Variants in DSCAML1 observed in about 807,000 individuals in gnomAD.
DSCAML1 encodes the protein cell adhesion molecule DSCAML1.
A neutral mutation model predicts 200.5 loss-of-function variants in DSCAML1; 38 were observed. The ratio of observed to expected loss-of-function variants is 0.19; its 90% CI spans 0.15 to 0.25. DSCAML1 has a LOEUF of 0.25. DSCAML1 is among the 10% of genes least tolerant of loss of function. DSCAML1 has a pLI of 1.00. For synonymous variants in DSCAML1, 1,215 were observed against 1,165.0 expected, an observed-to-expected ratio of 1.04 and a Z score of -0.87; for missense variants, 2,223 against 2,858.8, an observed-to-expected ratio of 0.78 and a Z score of 5.07.
chr11:117,544,981 C>T (rs576662472), intron 3 of DSCAML1, among the ~76,000 whole-genome samples: 1 of 152,160 alleles, frequency 6.6e-6, no homozygotes, highest in South Asian at 2.1e-4. Context: ...CCTGTAATCC[C>T]AGCACTTTGG....
At position 117,520,861 on chromosome 11, in the gene DSCAML1, T is replaced by C. The variant is rs530364866; in HGVS notation, c.1213+269A>G. Among the ~76,000 whole-genome samples, 3 of 152,020 alleles carry C rather than the reference T, an allele frequency of 2.0e-5. No homozygotes were observed. The South Asian group carries it at 6.3e-4, about 32-fold the overall frequency. On this transcript the variant is annotated intron_variant, in intron 6 of 32. Transcript: ENST00000651296. Reference sequence around the variant, plus strand: ...GGGAGGATTGCTTGAGCCAGGGAGGTTGAGGCTGCAGTGAGCTGTGATCGC... The same window carrying C: ...GGGAGGATTGCTTGAGCCAGGGAGGCTGAGGCTGCAGTGAGCTGTGATCGC...
At chr11:117,582,361 C>A (rs1170295607) in intron 3 of DSCAML1, among the ~76,000 whole-genome samples, 1 of 152,124 alleles carries the variant, frequency 6.6e-6, no homozygotes, top group Admixed American at 6.5e-5. Context: ...AACTAGCACA[C>A]CAAAAAGGCA....
At chr11:117,731,390 C>A (rs557271175) in intron 3 of DSCAML1, among the ~76,000 whole-genome samples, 1 of 152,168 alleles carries the variant, frequency 6.6e-6, no homozygotes, top group East Asian at 1.9e-4. Context: ...AAGACTCCTG[C>A]CCACCTCTCT....
At chr11:117,617,083 T>A (rs1388209192) in intron 3 of DSCAML1, among the ~76,000 whole-genome samples, 1 of 152,234 alleles carries the variant, frequency 6.6e-6, no homozygotes, top group Non-Finnish European at 1.5e-5. Context: ...ATTCATTGAA[T>A]TCTCACAACA....
chr11:117,747,254 A>T (rs537111664), intron 3 of DSCAML1, among the ~76,000 whole-genome samples: 1 of 152,204 alleles, frequency 6.6e-6, no homozygotes, highest in South Asian at 2.1e-4. Context: ...CAAATCAAGC[A>T]CCGCAGATTT....
rs553183779 is a variant in DSCAML1, at chr11:117,785,145, T to C, written c.47-4335A>G. ...ACGCGCTGCACCACAGTATCCCAGGTATGGTGGGAGGCATCAAAGACAAGG... is the reference window on the plus strand; with the variant it reads ...ACGCGCTGCACCACAGTATCCCAGGCATGGTGGGAGGCATCAAAGACAAGG... On this transcript the variant is annotated intron_variant, in intron 1 of 32. Coordinates refer to ENST00000651296, the MANE Select transcript of DSCAML1 (RefSeq NM_020693.4). 8.5e-5 allele frequency among the ~76,000 whole-genome samples: 13 copies of C among 152,094 alleles called. No individual in the cohort carries two copies. The South Asian group carries it at 2.7e-3, about 32-fold the overall frequency.
chr11:117,713,630 G>A (rs1315131345), intron 3 of DSCAML1, among the ~76,000 whole-genome samples: 3 of 152,218 alleles, frequency 2.0e-5, no homozygotes, highest in East Asian at 3.8e-4. Flanking sequence ...GAGCTTGACT[G>A]AGCTTAATAG....
chr11:117,780,217 G>GAAAA lies in DSCAML1; in HGVS notation c.364+275_364+276insTTTT, dbSNP rs142392829. Among the ~76,000 whole-genome samples the GAAAA allele has an allele frequency of 7.8e-5, 6 of 76,998 alleles. No homozygotes were observed. Among genetic ancestry groups the GAAAA allele is most frequent in the Non-Finnish European group, 1.1e-4 (4 of 36,970 alleles). The allele number at this position is 76,998 out of a possible 152,430, so 50.5% of individuals were successfully genotyped here. ...AAAGAAAGAGAAAGAAAGAGAGAGAGAGAAAGAAAGAAAGGAAAGAAAGAA... is the reference window on the plus strand; with the variant it reads ...AAAGAAAGAGAAAGAAAGAGAGAGAGAAAAAGAAAGAAAGAAAGGAAAGAAAGAA... On this transcript the variant is annotated intron_variant, in intron 2 of 32. Transcript: ENST00000651296. The surrounding 1 kb of genome is among the most constrained non-coding windows in gnomAD (Gnocchi z 4.8).
At chr11:117,512,643 T>TACACACACACAC (rs71037481) in intron 8 of DSCAML1, among the ~76,000 whole-genome samples, 4 of 125,240 alleles carry the variant, frequency 3.2e-5, no homozygotes, top group Middle Eastern at 4.3e-3. Flanking sequence ...CAAGCGTGTG[T>TACACACACACAC]ACACACACAC....
chr11:117,515,141 C>T (rs2049732954), intron 8 of DSCAML1, among the ~76,000 whole-genome samples: 1 of 152,242 alleles, frequency 6.6e-6, no homozygotes, highest in Non-Finnish European at 1.5e-5. Context: ...AGGCTGAGGT[C>T]TTCATGCTTC....
At chr11:117,749,216 G>A (rs2054564244) in intron 3 of DSCAML1, among the ~76,000 whole-genome samples, 1 of 152,248 alleles carries the variant, frequency 6.6e-6, no homozygotes. Context: ...GCCGGGACGA[G>A]GGTTTGGAAA....
At chr11:117,486,249 C>A (rs539323589) in intron 11 of DSCAML1, among the ~76,000 whole-genome samples, 12 of 122,172 alleles carry the variant, frequency 9.8e-5, no homozygotes, top group Admixed American at 7.6e-5. Context: ...GGGAAAGTGG[C>A]GGATGGGAAA....
At chr11:117,713,140 A>AGGCTAGAATGTAAC (rs2053882237) in intron 3 of DSCAML1, among the ~76,000 whole-genome samples, 1 of 152,050 alleles carries the variant, frequency 6.6e-6, no homozygotes, top group Non-Finnish European at 1.5e-5. Context: ...TCTGTCTCCC[A>AGGCTAGAATGTAAC]GGCTAGAATG....
At chr11:117,512,655 C>A (rs1277899058) in intron 8 of DSCAML1, among the ~76,000 whole-genome samples, 20 of 105,174 alleles carry the variant, frequency 1.9e-4, no homozygotes, top group Non-Finnish European at 3.6e-4. Flanking sequence ...CACACACACA[C>A]ACACACACAC....
chr11:117,625,140 C>G (rs766496373), intron 3 of DSCAML1, among the ~76,000 whole-genome samples: 18 of 151,994 alleles, frequency 1.2e-4, no homozygotes, highest in Non-Finnish European at 2.5e-4. Context: ...TAGTCTCTAC[C>G]TCTCCCACCC....
chr11:117,531,486 C>G (rs925554885), intron 4 of DSCAML1, among the ~76,000 whole-genome samples: 1 of 152,150 alleles, frequency 6.6e-6, no homozygotes, highest in African/African-American at 2.4e-5. Context: ...AAGAAGAATC[C>G]TCTATTCTGT....
chr11:117,792,885 C>T (rs1051847750), intron 1 of DSCAML1, among the ~76,000 whole-genome samples: 5 of 152,238 alleles, frequency 3.3e-5, no homozygotes, highest in Non-Finnish European at 7.3e-5. Context: ...CCCAGTGCCA[C>T]TGTCTGTCCT....
At chr11:117,525,459 TTC>T (rs1408474431) in intron 4 of DSCAML1, among the ~76,000 whole-genome samples, 3 of 150,706 alleles carry the variant, frequency 2.0e-5, no homozygotes, top group African/African-American at 7.3e-5. Context: ...AGTCCCTGGC[TTC>T]TTTTTTTTTT....
intron 3 of DSCAML1, among the ~76,000 whole-genome samples, chr11:117,769,556 ATATT>A (rs1565274404): frequency 5.7e-5 from 6 of 105,020 alleles, no homozygotes; most frequent in African/African-American, 1.5e-4. Context: ...TTTTATATAT[ATATT>A]TTATATATAT....
Sources: allele counts gnomAD v4.1 joint callset (sites outside exome capture counted in the v4.1 genomes callset), GRCh38; gene constraint gnomAD v4.1.1; non-coding constraint Gnocchi (gnomAD v3.1); transcripts MANE v1.5; gene names NCBI Gene and HGNC (gene_info 2026-07-23, HGNC 2026-07-21).